The following FSTL5 variants were observed in gnomAD, a reference collection of about 807,000 sequenced individuals.
FSTL5 encodes the protein follistatin like 5.
In FSTL5, 62 loss-of-function variants were observed where a neutral mutation model predicts 89.1. That is an observed-to-expected ratio of 0.70 (90% CI 0.57 to 0.86). The LOEUF (loss-of-function observed/expected upper bound fraction) is 0.86. FSTL5 is among the 40% of genes least tolerant of loss of function. The pLI is 0.00. For missense variants in FSTL5, 1,057 were observed against 1,001.6 expected (o/e 1.06, Z -0.75); for synonymous variants, 383 against 346.2 (o/e 1.11, Z -1.18).
At chr4:161,566,125 T>TATATAA in intron 8 of FSTL5, among the ~76,000 whole-genome samples, 1 of 75,534 alleles carries the variant, frequency 1.3e-5, no homozygotes, top group South Asian at 4.7e-4. Context: ...TATATATATA[T>TATATAA]ATATATATAT....
At chr4:161,696,284 T>A (rs1220902370) in intron 6 of FSTL5, among the ~76,000 whole-genome samples, 1 of 152,224 alleles carries the variant, frequency 6.6e-6, no homozygotes, top group African/African-American at 2.4e-5. Flanking sequence ...TTTGGGTTTA[T>A]TACTGGGTTC....
At chr4:162,115,335 A>G (rs1181992000) in intron 1 of FSTL5, among the ~76,000 whole-genome samples, 2 of 152,214 alleles carry the variant, frequency 1.3e-5, no homozygotes, top group African/African-American at 4.8e-5. Context: ...TACAAAATCC[A>G]AATATATCAT....
chr4:161,690,764 T>C (rs533328864), intron 6 of FSTL5, among the ~76,000 whole-genome samples: 1 of 152,204 alleles, frequency 6.6e-6, no homozygotes, highest in South Asian at 2.1e-4. Context: ...ATGTTTAACC[T>C]AGTACCCATT....
At chr4:161,794,185 A>C (rs1729559511) in intron 4 of FSTL5, among the ~76,000 whole-genome samples, 2 of 152,168 alleles carry the variant, frequency 1.3e-5, no homozygotes, top group Admixed American at 1.3e-4. Context: ...ATTCCCAGCA[A>C]TGCTGATTTA....
intron 7 of FSTL5, among the ~76,000 whole-genome samples, chr4:161,609,708 C>G (rs538489015): frequency 6.6e-6 from 1 of 151,792 alleles, no homozygotes; most frequent in Admixed American, 6.6e-5. Flanking sequence ...GGATCAGAGA[C>G]AAGGTATAGC....
chr4:162,093,635 A>AT (rs770466258), intron 2 of FSTL5, among the ~76,000 whole-genome samples: 78 of 152,014 alleles, frequency 5.1e-4, no homozygotes, highest in Non-Finnish European at 9.4e-4. Flanking sequence ...TTTGGTGTGT[A>AT]TTTTTTTTAA....
At chr4:162,108,439 A>T (rs1254581985) in intron 2 of FSTL5, among the ~76,000 whole-genome samples, 1 of 152,070 alleles carries the variant, frequency 6.6e-6, no homozygotes, top group Admixed American at 6.6e-5. Context: ...GTTCAGATTC[A>T]AAGTACTTAC....
At chr4:161,870,345 C>T (rs1022652361) in intron 4 of FSTL5, among the ~76,000 whole-genome samples, 7 of 151,146 alleles carry the variant, frequency 4.6e-5, no homozygotes, top group African/African-American at 9.7e-5. Flanking sequence ...TTCAATCATA[C>T]ACACACACAC....
At chr4:161,585,312 T>C (rs533972537) in intron 8 of FSTL5, among the ~76,000 whole-genome samples, 1 of 152,286 alleles carries the variant, frequency 6.6e-6, no homozygotes, top group African/African-American at 2.4e-5. Context: ...AGAATAGTTG[T>C]CACACTTTAC....
chr4:161,557,751 G>T (rs72687533), intron 8 of FSTL5, among the ~76,000 whole-genome samples: 11,381 of 151,638 alleles, frequency 0.075, 539 homozygotes, highest in Middle Eastern at 0.17. Context: ...CAACAAAAAA[G>T]AATGAGCTAA....
intron 3 of FSTL5, among the ~76,000 whole-genome samples, chr4:162,013,764 C>A (rs1205148160): frequency 6.7e-6 from 1 of 149,812 alleles, no homozygotes; most frequent in Admixed American, 6.6e-5. Context: ...AAATTTGAGG[C>A]TGTCAACAGC....
chr4:161,950,173 C>T (rs1734851723), intron 3 of FSTL5, among the ~76,000 whole-genome samples: 1 of 152,150 alleles, frequency 6.6e-6, no homozygotes, highest in African/African-American at 2.4e-5. Flanking sequence ...GGCACATTCT[C>T]TTCAGCAGGA....
At chr4:161,712,005 A>G (rs1738797235) in intron 6 of FSTL5, among the ~76,000 whole-genome samples, 1 of 152,212 alleles carries the variant, frequency 6.6e-6, no homozygotes, top group Non-Finnish European at 1.5e-5. Flanking sequence ...ATGAACAACC[A>G]ACAGCTAGCA....
chr4:161,402,637 T>G (rs1300900711), intron 15 of FSTL5, among the ~76,000 whole-genome samples: 3 of 152,196 alleles, frequency 2.0e-5, no homozygotes, highest in African/African-American at 7.2e-5. Context: ...GTTAGGTCCT[T>G]GGACTTGGTC....
intron 15 of FSTL5, among the ~76,000 whole-genome samples, chr4:161,431,962 T>C (rs1443446232): frequency 6.6e-6 from 1 of 152,036 alleles, no homozygotes; most frequent in Non-Finnish European, 1.5e-5. Flanking sequence ...CCCAGATATA[T>C]AAAGCAAATA....
intron 3 of FSTL5, among the ~76,000 whole-genome samples, chr4:161,979,570 A>G (rs1331956715): frequency 5.3e-5 from 8 of 150,768 alleles, no homozygotes; most frequent in Admixed American, 5.3e-4. Flanking sequence ...TCATTTCCTC[A>G]TTTTTATGAG....
At chr4:161,586,016 C>G (rs930385052) in intron 8 of FSTL5, among the ~76,000 whole-genome samples, 17 of 152,188 alleles carry the variant, frequency 1.1e-4, no homozygotes, top group African/African-American at 4.1e-4. Context: ...TAGATCTGCT[C>G]CCCTGGAGCG....
chr4:162,032,323 C>G (rs1173501732), intron 3 of FSTL5, among the ~76,000 whole-genome samples: 1 of 152,122 alleles, frequency 6.6e-6, no homozygotes, highest in Non-Finnish European at 1.5e-5. Flanking sequence ...AAATGCACAT[C>G]ATACAGCACA....
chr4:162,117,839 T>C (rs1434614357), intron 1 of FSTL5, among the ~76,000 whole-genome samples: 1 of 152,200 alleles, frequency 6.6e-6, no homozygotes, highest in Non-Finnish European at 1.5e-5. Context: ...TAAATATTTT[T>C]GGGTAAATAA....
Sources: gnomAD v4.1 joint callset for allele counts (sites outside exome capture counted in the v4.1 genomes callset) on GRCh38, gnomAD v4.1.1 for gene constraint, MANE v1.5 for transcripts, NCBI Gene and HGNC (gene_info 2026-07-23, HGNC 2026-07-21) for gene names.